WDR25: variants seen among roughly 807,000 people sequenced by gnomAD.
WDR25 encodes WD repeat domain 25.
In WDR25, 35 loss-of-function variants were observed where a neutral mutation model predicts 47.7. The ratio of observed to expected loss-of-function variants is 0.73; its 90% confidence interval spans 0.56 to 0.97. WDR25 has a LOEUF of 0.97. Among genes scored for constraint, WDR25 ranks in the 50% least tolerant of loss-of-function variants. The pLI is 0.00. For synonymous variants in WDR25, 248 were observed against 278.9 expected (o/e 0.89, Z 1.10); for missense variants, 634 against 704.7 (o/e 0.90, Z 1.14).
At chr14:100,387,578 C>T (rs971280335) in intron 2 of WDR25, among the ~76,000 whole-genome samples, 2 of 152,188 alleles carry the variant, frequency 1.3e-5, no homozygotes, top group African/African-American at 4.8e-5. Flanking sequence ...CTAAACGCTC[C>T]GTCTCCTCTT....
chr14:100,486,592 G>A (rs1900391667), intron 4 of WDR25, among the ~76,000 whole-genome samples: 1 of 152,192 alleles, frequency 6.6e-6, no homozygotes, highest in South Asian at 2.1e-4. Context: ...TCGGCAGGAG[G>A]ACCAGGGAGG....
chr14:100,396,746 C>T (rs1344723541), intron 2 of WDR25, among the ~76,000 whole-genome samples: 1 of 152,230 alleles, frequency 6.6e-6, no homozygotes, highest in East Asian at 1.9e-4. Flanking sequence ...GGAGAGGTCA[C>T]ATGTTCTTTC....
intron 4 of WDR25, among the ~76,000 whole-genome samples, chr14:100,518,318 G>A (rs1360739863): frequency 1.3e-5 from 2 of 151,628 alleles, no homozygotes; most frequent in African/African-American, 4.8e-5. Context: ...GGTCTCCATA[G>A]TTTCTGATGA....
intron 2 of WDR25, among the ~76,000 whole-genome samples, chr14:100,399,919 G>A (rs1346623825): frequency 1.3e-5 from 2 of 152,236 alleles, no homozygotes; most frequent in Non-Finnish European, 2.9e-5. Flanking sequence ...AATACCAGAT[G>A]AGGAGGGTAC....
At chr14:100,379,536 T>A (rs1203043500) in intron 1 of WDR25, among the ~76,000 whole-genome samples, 1 of 151,740 alleles carries the variant, frequency 6.6e-6, no homozygotes, top group African/African-American at 2.4e-5. Context: ...TACAGGCGCC[T>A]GCCACCATGT....
At chr14:100,501,975 C>T (rs1160580070) in intron 4 of WDR25, among the ~76,000 whole-genome samples, 1 of 152,210 alleles carries the variant, frequency 6.6e-6, no homozygotes, top group Non-Finnish European at 1.5e-5. Context: ...TCTCCAGGAG[C>T]CCCAGGGAGC....
intron 2 of WDR25, chr14:100,454,591 T>C: frequency 4.0e-6 from 2 of 501,364 alleles, no homozygotes; most frequent in Non-Finnish European, 7.2e-6. Flanking sequence ...GACAGACGTC[T>C]ACCCTCCAAA....
chr14:100,493,569 T>C (rs964065505), intron 4 of WDR25, among the ~76,000 whole-genome samples: 1 of 152,202 alleles, frequency 6.6e-6, no homozygotes, highest in Non-Finnish European at 1.5e-5. Flanking sequence ...ATGCACAACC[T>C]CCCCATAATC....
At chr14:100,473,242 CTT>C in intron 3 of WDR25, among the ~76,000 whole-genome samples, 1 of 152,308 alleles carries the variant, frequency 6.6e-6, no homozygotes, top group Admixed American at 6.5e-5. Flanking sequence ...ATGGTAGACT[CTT>C]TGCTTATGTG....
chr14:100,467,289 G>C (rs1438735563), intron 2 of WDR25, among the ~76,000 whole-genome samples: 1 of 151,862 alleles, frequency 6.6e-6, no homozygotes, highest in Non-Finnish European at 1.5e-5. Flanking sequence ...CAGGGATGCA[G>C]GCGAGCCTGG....
At chr14:100,456,026 A>G (rs903150536) in intron 2 of WDR25, among the ~76,000 whole-genome samples, 2 of 152,176 alleles carry the variant, frequency 1.3e-5, no homozygotes, top group Non-Finnish European at 2.9e-5. Flanking sequence ...AAGATAGGAA[A>G]CTAGGAACAT....
chr14:100,475,655 G>A (rs890301353), intron 3 of WDR25, among the ~76,000 whole-genome samples: 4 of 152,120 alleles, frequency 2.6e-5, no homozygotes, highest in Non-Finnish European at 5.9e-5. Context: ...AAGTGGAGAT[G>A]TTGATGAAAG....
chr14:100,405,166 A>ATCTTT (rs1897495439), intron 2 of WDR25, among the ~76,000 whole-genome samples: 1 of 75,148 alleles, frequency 1.3e-5, no homozygotes, highest in African/African-American at 5.1e-5. Flanking sequence ...TCTCTGCCCC[A>ATCTTT]TCTTTTTTTT....
chr14:100,497,739 G>C (rs1347318920), intron 4 of WDR25, among the ~76,000 whole-genome samples: 1 of 151,994 alleles, frequency 6.6e-6, no homozygotes, highest in Non-Finnish European at 1.5e-5. Flanking sequence ...CTTCTTTTTG[G>C]CTAAATGTCA....
intron 2 of WDR25, among the ~76,000 whole-genome samples, chr14:100,465,132 T>C (rs1899584611): frequency 6.6e-6 from 1 of 152,078 alleles, no homozygotes; most frequent in South Asian, 2.1e-4. Flanking sequence ...TGGCTACAAA[T>C]TCACGTATAA....
intron 4 of WDR25, among the ~76,000 whole-genome samples, chr14:100,514,971 A>G (rs1901443883): frequency 6.6e-6 from 1 of 152,204 alleles, no homozygotes; most frequent in Non-Finnish European, 1.5e-5. Flanking sequence ...TATTTATGCT[A>G]GGTAAAGAAT....
At chr14:100,376,645 C>G in intron 1 of WDR25, 150 bp downstream of exon 1, 1 of 1,231,826 alleles carries the variant, frequency 8.1e-7, no homozygotes, top group Admixed American at 4.2e-5. Flanking sequence ...TTGGACCAAC[C>G]TTACTTCTTA....
intron 2 of WDR25, among the ~76,000 whole-genome samples, chr14:100,461,886 T>A (rs886555838): frequency 7.1e-6 from 1 of 139,910 alleles, no homozygotes; most frequent in Admixed American, 7.4e-5. Flanking sequence ...ATGACTCTTA[T>A]TTTCGTTGTA....
In WDR25 at chr14:100,502,149, C is replaced by T. The variant is rs1900945073; in HGVS notation, c.1101+18025C>T. On this transcript the variant is annotated intron_variant, in intron 4 of 6. Coordinates refer to ENST00000402312, the MANE Select transcript of WDR25 (RefSeq NM_001161476.3). The surrounding 1 kb of genome is among the most constrained non-coding windows in gnomAD (Gnocchi z 4.5). Reference sequence around the variant, plus strand: ...TGTTCTGCTTCTGTTGGAAGTGCCTCAGGCATGGCCCCTTGATAGTTGTGG... The same window carrying T: ...TGTTCTGCTTCTGTTGGAAGTGCCTTAGGCATGGCCCCTTGATAGTTGTGG... Among the ~76,000 whole-genome samples the T allele has an allele frequency of 6.6e-6, 1 of 152,224 alleles. No individual in the cohort carries two copies. Among genetic ancestry groups the T allele is most frequent in the African/African-American group, 2.4e-5 (1 of 41,470 alleles).
Sources: gnomAD v4.1 joint callset for allele counts (sites outside exome capture counted in the v4.1 genomes callset) on GRCh38, gnomAD v4.1.1 for gene constraint, Gnocchi (gnomAD v3.1) non-coding constraint, MANE v1.5 for transcripts, NCBI Gene and HGNC (gene_info 2026-07-23, HGNC 2026-07-21) for gene names.